The following COL22A1 variants were observed in gnomAD, a reference collection of about 807,000 sequenced individuals.
The protein encoded by COL22A1 is collagen type XXII alpha 1 chain.
Under a neutral mutation model 248.9 loss-of-function variants are expected in COL22A1, and 221 were observed. The ratio of observed to expected loss-of-function variants is 0.89; its 90% confidence interval spans 0.80 to 0.99. The LOEUF (loss-of-function observed/expected upper bound fraction) is 0.99, where lower values mean the gene tolerates loss of function less well. Ranked by LOEUF, COL22A1 falls within the 50% of genes least tolerant of loss-of-function variation. COL22A1 has a pLI of 0.00. For missense variants in COL22A1, 2,240 were observed against 2,179.0 expected, an observed-to-expected ratio of 1.03 and a Z score of -0.56; for synonymous variants, 891 against 793.4, an observed-to-expected ratio of 1.12 and a Z score of -2.07.
chr8:138,606,659 G>A (rs1248003978), intron 57 of COL22A1, among the ~76,000 whole-genome samples: 1 of 152,098 alleles, frequency 6.6e-6, no homozygotes, highest in Non-Finnish European at 1.5e-5. Flanking sequence ...AAGAAGATGA[G>A]GTCTCCCTGT....
chr8:138,607,821 C>T, intron 57 of COL22A1, 115 bp downstream of exon 57: 2 of 960,992 alleles, frequency 2.1e-6, no homozygotes, highest in South Asian at 1.7e-5. Flanking sequence ...CCACTCAAAC[C>T]CATATGTCCC....
chr8:138,710,842 T>C (rs929318062), intron 30 of COL22A1, among the ~76,000 whole-genome samples: 9 of 152,234 alleles, frequency 5.9e-5, no homozygotes, highest in African/African-American at 2.2e-4. Flanking sequence ...TTCCTGACAT[T>C]GTTGAACTCA....
rs1828141636 is a variant in COL22A1 at position 138,703,506 on chromosome 8, A to G, written c.2518-159T>C. On this transcript the variant is annotated intron_variant, in intron 30 of 64. Coordinates refer to ENST00000303045, the MANE Select transcript of COL22A1 (RefSeq NM_152888.3). ...CCTGCACCTACCTTGATAGATACAT[A>G]CATACATAATTACATATGTACATTC... Among the ~76,000 whole-genome samples the G allele has an allele frequency of 2.0e-5, 3 of 152,228 alleles. No homozygotes were observed. In the South Asian group the frequency reaches 6.2e-4, roughly 32 times the overall value.
At position 138,896,507 on chromosome 8, in the gene COL22A1, A is replaced by T. The variant is rs909537571; in HGVS notation, c.-72-13263T>A. 2.6e-5 allele frequency among the ~76,000 whole-genome samples: 4 copies of T among 152,208 alleles called. No individual in the cohort carries two copies. In the East Asian group the frequency reaches 5.8e-4, roughly 22 times the overall value. On this transcript the variant is annotated intron_variant, in intron 1 of 64. Coordinates refer to ENST00000303045, the MANE Select transcript of COL22A1 (RefSeq NM_152888.3). ...AAAGATATTTTTTCAAAAACATTATAAATAAATAAAAATGGAATTGTAAAA... is the reference window on the plus strand; with the variant it reads ...AAAGATATTTTTTCAAAAACATTATTAATAAATAAAAATGGAATTGTAAAA...
At position 138,720,744 on chromosome 8, in the gene COL22A1, G is replaced by A. The variant is rs1829809980; in HGVS notation, c.2350C>T (p.Leu784Phe). ...AAAAGAGGCAAAGTCCATACCCGAA[G>A]GCCTGGTTTTCCAGGCAGACCATCT... Reference protein sequence around the residue: ...GEDGLPGKPGLRGEIGEQGLA... With the variant: ...GEDGLPGKPGFRGEIGEQGLA... The change falls in exon 27 of 65, where the codon CTT becomes TTT. Residue 784 changes from leucine (L) to phenylalanine (F), a missense_variant. By Grantham distance (22) the Leu-to-Phe change is conservative. Coordinates refer to ENST00000303045, the MANE Select transcript of COL22A1 (RefSeq NM_152888.3). The A allele has an allele frequency of 6.2e-7, 1 of 1,613,418 alleles. No individual in the cohort carries two copies. The highest frequency in any genetic ancestry group is 8.5e-7 in the Non-Finnish European group (1 of 1,179,352).
intron 11 of COL22A1, among the ~76,000 whole-genome samples, chr8:138,798,562 C>T (rs1304209813): frequency 6.6e-6 from 1 of 151,884 alleles, no homozygotes; most frequent in Non-Finnish European, 1.5e-5. Flanking sequence ...TAGCTCTATC[C>T]CTTCTTCCCT....
chr8:138,810,068 A>C (rs1818077130), intron 9 of COL22A1, among the ~76,000 whole-genome samples: 1 of 152,234 alleles, frequency 6.6e-6, no homozygotes, highest in South Asian at 2.1e-4. Flanking sequence ...ATATGCTGTC[A>C]TGGAAATAGC....
At chr8:138,694,376 T>G in intron 34 of COL22A1, 132 bp downstream of exon 34, 1 of 914,776 alleles carries the variant, frequency 1.1e-6, no homozygotes, top group Non-Finnish European at 1.8e-6. Context: ...CTGCAGCACA[T>G]TGGGGCTGCT....
intron 16 of COL22A1, among the ~76,000 whole-genome samples, chr8:138,774,010 C>T (rs1018857250): frequency 6.6e-6 from 1 of 152,160 alleles, no homozygotes; most frequent in Non-Finnish European, 1.5e-5. Context: ...CTCCTGTGTG[C>T]CCAGAGCCTC....
intron 4 of COL22A1, among the ~76,000 whole-genome samples, chr8:138,843,191 C>T (rs759908041): frequency 3.9e-5 from 6 of 152,132 alleles, no homozygotes; most frequent in Non-Finnish European, 8.8e-5. Context: ...GAAAAATCCC[C>T]CAGGCACAAG....
In COL22A1 at chr8:138,688,300, C is replaced by CCTGG. The variant is rs1826528230; in HGVS notation, c.2862+616_2862+617insCCAG. On this transcript the variant is annotated intron_variant, in intron 37 of 64. Transcript: ENST00000303045. ...CTTTGGGAGGCCAAGGCGGGTGGAT[C>CCTGG]ACTTGAGTCCAGGAGTTTGAGACCA... Among the ~76,000 whole-genome samples, 3 of 151,906 alleles carry CCTGG rather than the reference C, an allele frequency of 2.0e-5. No homozygotes were observed. The South Asian group carries it at 6.2e-4, about 32-fold the overall frequency.
At chr8:138,695,650 G>A (rs960084695) in intron 32 of COL22A1, among the ~76,000 whole-genome samples, 5 of 152,104 alleles carry the variant, frequency 3.3e-5, no homozygotes, top group Admixed American at 2.0e-4. Flanking sequence ...GACACAGGCT[G>A]GACAGGCAGT....
intron 35 of COL22A1, among the ~76,000 whole-genome samples, chr8:138,691,711 T>C (rs1451897430): frequency 9.1e-5 from 2 of 21,868 alleles, no homozygotes; most frequent in African/African-American, 3.0e-4. Flanking sequence ...TGTGGAGGTG[T>C]GTTTATGTGT....
At position 138,848,607 on chromosome 8, in the gene COL22A1, G is replaced by A. The variant is rs571146021; in HGVS notation, c.659-4449C>T. ...ACAGCCTTGTCATCCCCTGGCTCTC[G>A]GCCAAGAGTTTTTCCAGTTGGGAAC... On this transcript the variant is annotated intron_variant, in intron 3 of 64. Coordinates refer to ENST00000303045, the MANE Select transcript of COL22A1 (RefSeq NM_152888.3). 1.2e-4 allele frequency among the ~76,000 whole-genome samples: 18 copies of A among 152,170 alleles called. No homozygotes were observed. In the East Asian group the frequency reaches 1.4e-3, roughly 11 times the overall value.
chr8:138,665,222 G>C (rs971329431), intron 41 of COL22A1, among the ~76,000 whole-genome samples: 2 of 152,228 alleles, frequency 1.3e-5, no homozygotes, highest in African/African-American at 4.8e-5. Flanking sequence ...AATCTACACA[G>C]ACCTGCCCTG....
chr8:138,832,067 T>C (rs1476511271), intron 5 of COL22A1, among the ~76,000 whole-genome samples: 1 of 152,120 alleles, frequency 6.6e-6, no homozygotes, highest in Non-Finnish European at 1.5e-5. Flanking sequence ...GAGAGTGATC[T>C]CTGGTCGTTC....
intron 63 of COL22A1, 53 bp from the exon 64 acceptor site, chr8:138,591,554 A>T: frequency 7.2e-7 from 1 of 1,395,628 alleles, no homozygotes; most frequent in Non-Finnish European, 9.6e-7. Context: ...GGAGGACAGA[A>T]ACTGGGCGTC....
At chr8:138,908,426 CA>C (rs1264907240) in intron 1 of COL22A1, among the ~76,000 whole-genome samples, 1 of 152,194 alleles carries the variant, frequency 6.6e-6, no homozygotes, top group African/African-American at 2.4e-5. Context: ...AACATTCTAA[CA>C]AGGAATAACA....
chr8:138,762,356 A>G lies in COL22A1; in HGVS notation c.1857+57T>C, dbSNP rs192086953. The G allele has an allele frequency of 2.3e-5, 36 of 1,559,088 alleles. No individual in the cohort carries two copies. The East Asian group carries it at 7.4e-4, about 32-fold the overall frequency. ...GTGGAGCTTTATGTGGGGTCTGGTC[A>G]TTCCCATCCTCTGACCGCTGATGAA... On this transcript the variant is annotated intron_variant, in intron 17 of 64. Transcript: ENST00000303045.
Sources: gnomAD v4.1 joint callset for allele counts (sites outside exome capture counted in the v4.1 genomes callset) on GRCh38, gnomAD v4.1.1 for gene constraint, MANE v1.5 for transcripts, NCBI Gene and HGNC (gene_info 2026-07-23, HGNC 2026-07-21) for gene names.